Variants in RPS15 observed in about 807,000 individuals in gnomAD.
RPS15 encodes the protein ribosomal protein S15.
In RPS15, 5 loss-of-function variants were observed where a neutral mutation model predicts 14.9. The observed-to-expected ratio is 0.34, with a 90% CI of 0.18 to 0.70. The LOEUF is 0.70. RPS15 is among the 30% of genes least tolerant of loss of function. RPS15 has a pLI of 0.65. For missense variants in RPS15, 102 were observed against 204.2 expected, an observed-to-expected ratio of 0.50 and a Z score of 3.05; for synonymous variants, 103 against 85.0, an observed-to-expected ratio of 1.21 and a Z score of -1.16.
chr19:1,439,050 C>T lies in RPS15; in HGVS notation c.89+158C>T, dbSNP rs73920487. 2.9e-3 allele frequency: 1,794 copies of T among 628,206 alleles called. 32 individuals carry two copies. The African/African-American group carries it at 0.032, about 11-fold the overall frequency. 38.9% of individuals were successfully genotyped at this position (628,206 alleles called of 1,614,324 possible). A position where few individuals can be genotyped will look rare whatever the true frequency, so the allele number is the denominator to read the frequency against. Reference sequence around the variant, plus strand: ...TGAGTGTGGTCTTGCGCCCAGAAAACTGTCCAGAGACGTTGAGGTTTTTGC... The same window carrying T: ...TGAGTGTGGTCTTGCGCCCAGAAAATTGTCCAGAGACGTTGAGGTTTTTGC... On this transcript the variant is annotated intron_variant, in intron 2 of 3. Transcript: ENST00000592588.
intron 2 of RPS15, chr19:1,439,175 T>C: frequency 2.3e-6 from 1 of 426,564 alleles, no homozygotes; most frequent in Non-Finnish European, 4.1e-6. Context: ...GGGGCTGCGT[T>C]AGACTCCTTA....
chr19:1,438,431 G>T lies in RPS15; in HGVS notation c.3+3G>T. 3 of 1,613,494 alleles carry T rather than the reference G, an allele frequency of 1.9e-6. No individual in the cohort carries two copies. The highest frequency in any genetic ancestry group is 2.5e-6 in the Non-Finnish European group (3 of 1,179,906). ...TCTTCTGAGGATCCGGCAAGATGGT[G>T]AGTGTTGCGATTTGGCGCGTCTCTG... On this transcript the variant is annotated splice_donor_region_variant and intron_variant, in intron 1 of 3. Transcript: ENST00000592588. This position sits in a 1 kb window ranked among gnomAD's most constrained non-coding sequence, Gnocchi z 4.8.
In RPS15 at chr19:1,438,441, A is replaced by T. The variant is rs184229180; in HGVS notation, c.3+13A>T. 2.5e-6 allele frequency: 4 copies of T among 1,613,316 alleles called. No homozygotes were observed. In the African/African-American group the frequency reaches 5.3e-5, roughly 22 times the overall value. On this transcript the variant is annotated intron_variant, in intron 1 of 3. Transcript: ENST00000592588. This position sits in a 1 kb window ranked among gnomAD's most constrained non-coding sequence, Gnocchi z 4.8. ...ATCCGGCAAGATGGTGAGTGTTGCGATTTGGCGCGTCTCTGCCGGGCCTAT... is the reference window on the plus strand; with the variant it reads ...ATCCGGCAAGATGGTGAGTGTTGCGTTTTGGCGCGTCTCTGCCGGGCCTAT...
chr19:1,439,150 C>T (rs2083633065), intron 2 of RPS15: 3 of 491,064 alleles, frequency 6.1e-6, no homozygotes, highest in South Asian at 5.4e-5. Context: ...CTGTAGCCCA[C>T]GTGACTTAGA....
chr19:1,438,589 C>T lies in RPS15; in HGVS notation c.3+161C>T. Reference sequence around the variant, plus strand: ...GGCGAGGGGCGGACTTGGTGGGTGTCGGGACGACGCGGGGCTGGGAAGGCC... The same window carrying T: ...GGCGAGGGGCGGACTTGGTGGGTGTTGGGACGACGCGGGGCTGGGAAGGCC... On this transcript the variant is annotated intron_variant, in intron 1 of 3. Coordinates refer to ENST00000592588, the MANE Select transcript of RPS15 (RefSeq NM_001018.5). This position sits in a 1 kb window ranked among gnomAD's most constrained non-coding sequence, Gnocchi z 4.8. 1.3e-6 allele frequency: 2 copies of T among 1,546,800 alleles called. No individual in the cohort carries two copies. Among genetic ancestry groups the T allele is most frequent in the South Asian group, 1.2e-5 (1 of 84,580 alleles).
chr19:1,439,946 C>A, intron 2 of RPS15, 73 bp from the exon 3 acceptor site: 1 of 1,249,928 alleles, frequency 8.0e-7, no homozygotes. Flanking sequence ...AGCCTTAGTT[C>A]TCTGTCCGCC....
chr19:1,438,559 G>A lies in RPS15; in HGVS notation c.3+131G>A, dbSNP rs1448736809. Reference sequence around the variant, plus strand: ...CTCCCGACCCTGCAGGCGGCTGGATGTTGGGGCGAGGGGCGGACTTGGTGG... The same window carrying A: ...CTCCCGACCCTGCAGGCGGCTGGATATTGGGGCGAGGGGCGGACTTGGTGG... On this transcript the variant is annotated intron_variant, in intron 1 of 3. Coordinates refer to ENST00000592588, the MANE Select transcript of RPS15 (RefSeq NM_001018.5). The surrounding 1 kb of genome is among the most constrained non-coding windows in gnomAD (Gnocchi z 4.8). 1 of 1,573,304 alleles carries A rather than the reference G, an allele frequency of 6.4e-7. No individual in the cohort carries two copies. The highest frequency in any genetic ancestry group is 1.4e-5 in the African/African-American group (1 of 73,698).
rs199705036 is a variant in RPS15, at chr19:1,440,411, C to G, written c.387C>G (p.Gly129=). The G allele has an allele frequency of 2.0e-5, 32 of 1,614,002 alleles. No homozygotes were observed. The African/African-American group carries it at 3.5e-4, about 17-fold the overall frequency. The change falls in exon 4 of 4, where the codon GGC becomes GGG. Residue 129 remains glycine, a synonymous_variant. Coordinates refer to ENST00000592588, the MANE Select transcript of RPS15 (RefSeq NM_001018.5). ...TCACCTACAAGCCCGTAAAGCATGG[C>G]CGGCCCGGCATCGGGGCCACCCACT... ...FSITYKPVKH[G]RPGIGATHSS... is the part of the protein sequence containing the mutation.
In RPS15 at chr19:1,438,700, G is replaced by A. The variant is rs1286758792; in HGVS notation, c.4-107G>A. The A allele has an allele frequency of 2.6e-6, 4 of 1,533,552 alleles. No homozygotes were observed. Among genetic ancestry groups the A allele is most frequent in the Non-Finnish European group, 3.5e-6 (4 of 1,133,840 alleles). 95.0% of individuals were successfully genotyped at this position (1,533,552 alleles called of 1,614,324 possible). ...GGTCGAAGCGGTGTGTCCCTGTCGG[G>A]CTTCTGTCCCCGGCGGCGCCGCGCG... is the stretch of plus-strand genomic sequence containing the variant. On this transcript the variant is annotated intron_variant, in intron 1 of 3. Transcript: ENST00000592588. This position sits in a 1 kb window ranked among gnomAD's most constrained non-coding sequence, Gnocchi z 4.8.
rs2083630918 is a variant in RPS15 at position 1,438,905 on chromosome 19, G to A, written c.89+13G>A. 1 of 1,557,192 alleles carries A rather than the reference G, an allele frequency of 6.4e-7. No individual in the cohort carries two copies. Among genetic ancestry groups the A allele is most frequent in the Non-Finnish European group, 8.7e-7 (1 of 1,151,010 alleles). On this transcript the variant is annotated intron_variant, in intron 2 of 3. Coordinates refer to ENST00000592588, the MANE Select transcript of RPS15 (RefSeq NM_001018.5). The surrounding 1 kb of genome is among the most constrained non-coding windows in gnomAD (Gnocchi z 4.8). ...TGGACATGTCCTAGTAAGGGCGGCCGCGGGGGTCGCGGGCAGGGGCTGGGC... is the reference window on the plus strand; with the variant it reads ...TGGACATGTCCTAGTAAGGGCGGCCACGGGGGTCGCGGGCAGGGGCTGGGC...
In RPS15 at chr19:1,438,801, G is replaced by C; in HGVS notation, c.4-6G>C. On this transcript the variant is annotated splice_polypyrimidine_tract_variant and splice_region_variant and intron_variant, in intron 1 of 3. Transcript: ENST00000592588. The surrounding 1 kb of genome is among the most constrained non-coding windows in gnomAD (Gnocchi z 4.8). Reference sequence around the variant, plus strand: ...TCCCGCTGACGCCCGATCCGCGCCCGCACAGGCAGAAGTAGAGCAGAAGAA... The same window carrying C: ...TCCCGCTGACGCCCGATCCGCGCCCCCACAGGCAGAAGTAGAGCAGAAGAA... The C allele has an allele frequency of 1.9e-6, 3 of 1,587,986 alleles. No individual in the cohort carries two copies. The African/African-American group carries it at 4.0e-5, about 21-fold the overall frequency.
At position 1,439,161 on chromosome 19, in the gene RPS15, A is replaced by G; in HGVS notation, c.89+269A>G. The G allele has an allele frequency of 1.1e-5, 5 of 472,506 alleles. No homozygotes were observed. In the South Asian group the frequency reaches 1.4e-4, roughly 13 times the overall value. 29.3% of individuals were successfully genotyped at this position (472,506 alleles called of 1,614,324 possible). ...CTGTCTGTAGCCCACGTGACTTAGAATAAGGGGCTGCGTTAGACTCCTTAG... is the reference window on the plus strand; with the variant it reads ...CTGTCTGTAGCCCACGTGACTTAGAGTAAGGGGCTGCGTTAGACTCCTTAG... On this transcript the variant is annotated intron_variant, in intron 2 of 3. Coordinates refer to ENST00000592588, the MANE Select transcript of RPS15 (RefSeq NM_001018.5).
chr19:1,439,425 G>A (rs902420330), intron 2 of RPS15: 42 of 176,962 alleles, frequency 2.4e-4, no homozygotes, highest in African/African-American at 1.9e-4. Flanking sequence ...ACCACGTCCG[G>A]CTAATTTTTG....
Position 1,438,995 on chromosome 19 carries a change from G to C in RPS15, c.89+103G>C, listed in dbSNP as rs2083631741. ...GGTCCAAGCGCCTCTGCGGCGGTGG[G>C]CGGGCACGGTCTCCGCGCGGGTTTG... On this transcript the variant is annotated intron_variant, in intron 2 of 3. Coordinates refer to ENST00000592588, the MANE Select transcript of RPS15 (RefSeq NM_001018.5). This position sits in a 1 kb window ranked among gnomAD's most constrained non-coding sequence, Gnocchi z 4.8. 2 of 915,300 alleles carry C rather than the reference G, an allele frequency of 2.2e-6. No homozygotes were observed. The highest frequency in any genetic ancestry group is 3.3e-6 in the Non-Finnish European group (2 of 613,444). 56.7% of individuals were successfully genotyped at this position (915,300 alleles called of 1,614,324 possible). A position where few individuals can be genotyped will look rare whatever the true frequency, so the allele number is the denominator to read the frequency against.
At chr19:1,439,066 AG>A in intron 2 of RPS15, 174 bp downstream of exon 2, 1 of 589,270 alleles carries the variant, frequency 1.7e-6, no homozygotes. Flanking sequence ...AGAGACGTTG[AG>A]GTTTTTGCTT....
At chr19:1,439,407 GC>G (rs112263392) in intron 2 of RPS15, 4,779 of 176,726 alleles carry the variant, frequency 0.027, 227 homozygotes, top group African/African-American at 0.098. Context: ...GGATTAGAGG[GC>G]CCCCCCACCA....
rs1361683512 is a variant in RPS15 at position 1,438,731 on chromosome 19, C to T, written c.4-76C>T. On this transcript the variant is annotated intron_variant, in intron 1 of 3. Coordinates refer to ENST00000592588, the MANE Select transcript of RPS15 (RefSeq NM_001018.5). This position sits in a 1 kb window ranked among gnomAD's most constrained non-coding sequence, Gnocchi z 4.8. The stretch of plus-strand genomic sequence containing the variant: ...GTCCCCGGCGGCGCCGCGCGTCTTC[C>T]GCGGTGTCCTCGGGCCCGGTGGCCC... 6.5e-7 allele frequency: 1 copy of T among 1,539,806 alleles called. No individual in the cohort carries two copies. The highest frequency in any genetic ancestry group is 1.4e-5 in the African/African-American group (1 of 72,894).
rs778036213 is a variant in RPS15 at position 1,438,416 on chromosome 19, A to C, written c.-10A>C. 26 of 1,613,430 alleles carry C rather than the reference A, an allele frequency of 1.6e-5. No individual in the cohort carries two copies. In the East Asian group the frequency reaches 5.8e-4, roughly 36 times the overall value. ...CGGACCAAAGCGATCTCTTCTGAGG[A>C]TCCGGCAAGATGGTGAGTGTTGCGA... On this transcript the variant is annotated 5_prime_UTR_variant, in exon 1 of 4. Transcript: ENST00000592588. This position sits in a 1 kb window ranked among gnomAD's most constrained non-coding sequence, Gnocchi z 4.8.
rs980644616 is a variant in RPS15 at position 1,440,024 on chromosome 19, A to T, written c.95A>T (p.Gln32Leu). ...GCCTGGTGCATCCTCCCCAGCGAGC[A>T]GCTGATGCAGCTGTACAGTGCGCGC... Reference protein sequence around the residue: ...LDQLLDMSYEQLMQLYSARQR... With the variant: ...LDQLLDMSYELLMQLYSARQR... The change falls in exon 3 of 4, where the codon CAG becomes CTG. Residue 32 changes from glutamine (Q) to leucine (L), a missense_variant. This residue lies in a region of RPS15 where 70 missense variants were observed against 96.8 expected (regional missense o/e 0.72). Coordinates refer to ENST00000592588, the MANE Select transcript of RPS15 (RefSeq NM_001018.5). 4 of 1,550,386 alleles carry T rather than the reference A, an allele frequency of 2.6e-6. No individual in the cohort carries two copies. Among genetic ancestry groups the T allele is most frequent in the Non-Finnish European group, 3.5e-6 (4 of 1,148,274 alleles).
Sources: allele counts gnomAD v4.1 joint callset, GRCh38; gene constraint gnomAD v4.1.1; regional missense constraint gnomAD v4.1.1; non-coding constraint Gnocchi (gnomAD v3.1); transcripts MANE v1.5; gene names NCBI Gene and HGNC (gene_info 2026-07-23, HGNC 2026-07-21).